KCNH8: variants seen among roughly 807,000 people sequenced by gnomAD.
KCNH8 encodes voltage-gated delayed rectifier potassium channel KCNH8.
A neutral mutation model predicts 103.6 loss-of-function variants in KCNH8; 70 were observed. That is an observed-to-expected ratio of 0.68 (90% CI 0.56 to 0.82). The LOEUF (loss-of-function observed/expected upper bound fraction) is 0.82, where lower values mean the gene tolerates loss of function less well. Ranked by LOEUF, KCNH8 falls within the 40% of genes least tolerant of loss-of-function variation. The probability of loss-of-function intolerance (pLI) is 0.00; values close to 1 mark genes in which losing one functional copy is unlikely to be tolerated. For synonymous variants in KCNH8, 498 were observed against 489.4 expected (o/e 1.02, Z -0.23); for missense variants, 1,217 against 1,329.9 (o/e 0.92, Z 1.32).
intron 1 of KCNH8, among the ~76,000 whole-genome samples, chr3:19,197,128 T>G (rs2063610033): frequency 6.6e-6 from 1 of 152,054 alleles, no homozygotes; most frequent in Non-Finnish European, 1.5e-5. Flanking sequence ...AAGATTATTA[T>G]TCTGAAAAAA....
chr3:19,284,274 T>C (rs765625688), intron 3 of KCNH8, among the ~76,000 whole-genome samples: 3 of 152,140 alleles, frequency 2.0e-5, no homozygotes, highest in Non-Finnish European at 2.9e-5. Context: ...GTTCACATGA[T>C]GGGCTTCATT....
intron 15 of KCNH8, among the ~76,000 whole-genome samples, chr3:19,533,009 C>T (rs576633913): frequency 9.2e-5 from 14 of 152,064 alleles, no homozygotes; most frequent in African/African-American, 2.9e-4. Flanking sequence ...TTGAGACCAT[C>T]CTGGCTAACA....
chr3:19,460,125 C>T (rs534937254), intron 11 of KCNH8, among the ~76,000 whole-genome samples: 2 of 152,244 alleles, frequency 1.3e-5, no homozygotes, highest in South Asian at 4.1e-4. Context: ...CAAACAGTAT[C>T]AGCAAACCAA....
At chr3:19,510,658 A>T (rs1446388673) in intron 12 of KCNH8, among the ~76,000 whole-genome samples, 1 of 152,168 alleles carries the variant, frequency 6.6e-6, no homozygotes, top group Non-Finnish European at 1.5e-5. Context: ...TAAAGTCCTA[A>T]GGTGTTAATC....
intron 1 of KCNH8, among the ~76,000 whole-genome samples, chr3:19,225,486 T>G (rs2063920646): frequency 6.6e-6 from 1 of 152,150 alleles, no homozygotes; most frequent in Non-Finnish European, 1.5e-5. Flanking sequence ...TATGTTGATA[T>G]AGGCCTAGTT....
intron 11 of KCNH8, among the ~76,000 whole-genome samples, chr3:19,485,383 G>A (rs1363457755): frequency 1.3e-5 from 2 of 152,202 alleles, no homozygotes; most frequent in African/African-American, 4.8e-5. Context: ...GTGCCAGGTG[G>A]AACAGTGGGG....
chr3:19,425,914 A>G (rs1047878499), intron 7 of KCNH8, among the ~76,000 whole-genome samples: 5 of 152,214 alleles, frequency 3.3e-5, no homozygotes, highest in African/African-American at 1.2e-4. Flanking sequence ...ATTTTTAAAC[A>G]TTGAAAATTG....
chr3:19,390,433 C>T, intron 5 of KCNH8, 48 bp from the exon 6 acceptor site: 5 of 1,405,732 alleles, frequency 3.6e-6, no homozygotes, highest in South Asian at 1.3e-5. Context: ...CTTCTTTATT[C>T]TTCTCTGTCT....
intron 1 of KCNH8, among the ~76,000 whole-genome samples, chr3:19,204,646 A>G (rs1472547806): frequency 1.3e-5 from 2 of 152,108 alleles, no homozygotes; most frequent in Admixed American, 1.3e-4. Flanking sequence ...AAATGTAAAA[A>G]AATATAATGC....
intron 15 of KCNH8, among the ~76,000 whole-genome samples, chr3:19,526,696 T>C (rs2069070889): frequency 6.6e-6 from 1 of 152,014 alleles, no homozygotes; most frequent in African/African-American, 2.4e-5. Context: ...AGCTCCCATT[T>C]TGAAGTGCTG....
chr3:19,187,615 A>T (rs953115386), intron 1 of KCNH8, among the ~76,000 whole-genome samples: 1 of 152,100 alleles, frequency 6.6e-6, no homozygotes, highest in African/African-American at 2.4e-5. Flanking sequence ...ACTCACATGG[A>T]ATTTCAAGCA....
intron 11 of KCNH8, among the ~76,000 whole-genome samples, chr3:19,481,594 T>C (rs747005336): frequency 2.1e-4 from 32 of 152,302 alleles, no homozygotes; most frequent in Non-Finnish European, 3.8e-4. Flanking sequence ...TGTTCAAAGT[T>C]TCATGCATTT....
intron 2 of KCNH8, among the ~76,000 whole-genome samples, chr3:19,263,489 A>C (rs2064463395): frequency 6.6e-6 from 1 of 152,108 alleles, no homozygotes; most frequent in Admixed American, 6.6e-5. Flanking sequence ...CCTGTTTGGC[A>C]GGTATAAGAT....
chr3:19,239,939 CT>C (rs1405699340), intron 1 of KCNH8, among the ~76,000 whole-genome samples: 2 of 152,098 alleles, frequency 1.3e-5, no homozygotes. Context: ...TATGATCATC[CT>C]TTTAGCTAGA....
chr3:19,163,934 T>C (rs1009080466), intron 1 of KCNH8, among the ~76,000 whole-genome samples: 11 of 152,332 alleles, frequency 7.2e-5, no homozygotes, highest in Admixed American at 2.6e-4. Context: ...ACCTATAACA[T>C]ACAAAATACA....
intron 7 of KCNH8, among the ~76,000 whole-genome samples, chr3:19,422,745 T>G (rs1460215796): frequency 6.6e-6 from 1 of 152,022 alleles, no homozygotes; most frequent in African/African-American, 2.4e-5. Context: ...ATCAAGTATA[T>G]AAGAAAGACC....
At chr3:19,192,018 T>G (rs1036083108) in intron 1 of KCNH8, among the ~76,000 whole-genome samples, 3 of 151,580 alleles carry the variant, frequency 2.0e-5, no homozygotes, top group Non-Finnish European at 3.0e-5. Flanking sequence ...CCTTATCAAG[T>G]TGATGGTTTT....
chr3:19,346,393 C>CA (rs1002365735), intron 4 of KCNH8, among the ~76,000 whole-genome samples: 1 of 151,972 alleles, frequency 6.6e-6, no homozygotes, highest in Non-Finnish European at 1.5e-5. Flanking sequence ...AACATAGATG[C>CA]AGTGGCAAAT....
chr3:19,526,612 G>A (rs747256617), intron 15 of KCNH8, among the ~76,000 whole-genome samples: 1 of 151,854 alleles, frequency 6.6e-6, no homozygotes, highest in Non-Finnish European at 1.5e-5. Context: ...GACAACGCAT[G>A]GTGTTATTGG....
Sources: allele counts gnomAD v4.1 joint callset (sites outside exome capture counted in the v4.1 genomes callset), GRCh38; gene constraint gnomAD v4.1.1; transcripts MANE v1.5; gene names NCBI Gene and HGNC (gene_info 2026-07-23, HGNC 2026-07-21).